Variants in NCEH1 observed in about 807,000 individuals in gnomAD.
NCEH1 encodes neutral cholesterol ester hydrolase 1.
NCEH1 carries 9 observed loss-of-function variants against 25.4 expected under a neutral mutation model. That is an observed-to-expected ratio of 0.35 (90% CI 0.21 to 0.62). The LOEUF (loss-of-function observed/expected upper bound fraction) is 0.62. Among genes scored for constraint, NCEH1 ranks in the 20% least tolerant of loss-of-function variants. The probability of loss-of-function intolerance (pLI) is 0.72; values close to 1 mark genes in which losing one functional copy is unlikely to be tolerated. For missense variants in NCEH1, 412 were observed against 501.1 expected, an observed-to-expected ratio of 0.82 and a Z score of 1.70; for synonymous variants, 200 against 199.8, an observed-to-expected ratio of 1.00 and a Z score of -0.01.
At chr3:172,703,706 G>T (rs922001173) in intron 1 of NCEH1, among the ~76,000 whole-genome samples, 2 of 151,910 alleles carry the variant, frequency 1.3e-5, no homozygotes, top group Non-Finnish European at 2.9e-5. Context: ...AATAATGAGG[G>T]TATTTCTATG....
intron 1 of NCEH1, among the ~76,000 whole-genome samples, chr3:172,699,162 A>C (rs1034015294): frequency 2.0e-5 from 3 of 152,106 alleles, no homozygotes; most frequent in African/African-American, 4.8e-5. Flanking sequence ...GGAAGTTCTC[A>C]AAAGAGATGA....
Position 172,639,914 on chromosome 3 carries a change from A to C in NCEH1, c.438-3827T>G, listed in dbSNP as rs547880333. 9.2e-5 allele frequency among the ~76,000 whole-genome samples: 14 copies of C among 152,314 alleles called. No homozygotes were observed. The South Asian group carries it at 2.9e-3, about 32-fold the overall frequency. ...GCAAACTTCTGGGTTTAAGGATGAGAATGTGAGGTTGAAGGAAAATGTGTA... is the reference window on the plus strand; with the variant it reads ...GCAAACTTCTGGGTTTAAGGATGAGCATGTGAGGTTGAAGGAAAATGTGTA... On this transcript the variant is annotated intron_variant, in intron 3 of 4. Coordinates refer to ENST00000475381, the MANE Select transcript of NCEH1 (RefSeq NM_020792.6).
At chr3:172,685,955 A>G (rs1163105555) in intron 1 of NCEH1, among the ~76,000 whole-genome samples, 1 of 152,196 alleles carries the variant, frequency 6.6e-6, no homozygotes, top group Non-Finnish European at 1.5e-5. Context: ...GATGGAGGAC[A>G]CAACTTTGCA....
In NCEH1 at chr3:172,633,983, G is replaced by T. The variant is rs753522171; in HGVS notation, c.719C>A (p.Thr240Asn). ...NTPSYQQNVN[T>N]PILPRYVMVK... is the part of the protein sequence containing the mutation. ...CATGACATAGCGGGGCAGGATTGGG[G>T]TGTTCACATTTTGCTGATAAGATGG... Residue 240 changes from threonine to asparagine, a missense_variant, in exon 5 of 5, where the codon ACC becomes AAC. By Grantham distance (65) the Thr-to-Asn change is moderately conservative. Transcript: ENST00000475381. 2 of 1,614,204 alleles carry T rather than the reference G, an allele frequency of 1.2e-6. No homozygotes were observed. The highest frequency in any genetic ancestry group is 4.5e-5 in the East Asian group (2 of 44,890).
At chr3:172,676,107 C>T (rs1187824377) in intron 1 of NCEH1, among the ~76,000 whole-genome samples, 3 of 152,146 alleles carry the variant, frequency 2.0e-5, no homozygotes, top group African/African-American at 7.2e-5. Context: ...TCCAACACCC[C>T]CTAACAGCAG....
chr3:172,705,075 C>G (rs1713900750), intron 1 of NCEH1, among the ~76,000 whole-genome samples: 1 of 152,176 alleles, frequency 6.6e-6, no homozygotes, highest in Non-Finnish European at 1.5e-5. Flanking sequence ...AAAGCAAATA[C>G]TAAAATATAT....
intron 1 of NCEH1, among the ~76,000 whole-genome samples, chr3:172,696,775 TA>T (rs1214815142): frequency 1.9e-4 from 29 of 152,190 alleles, no homozygotes; most frequent in African/African-American, 7.0e-4. Context: ...TATAGTCAAT[TA>T]AATTTGGGAT....
chr3:172,674,772 T>C (rs1209070692), intron 1 of NCEH1, among the ~76,000 whole-genome samples: 1 of 152,356 alleles, frequency 6.6e-6, no homozygotes, highest in East Asian at 1.9e-4. Flanking sequence ...CAATGTGGAA[T>C]TCTGGTTGTA....
intron 3 of NCEH1, among the ~76,000 whole-genome samples, chr3:172,644,939 C>T: frequency 6.6e-6 from 1 of 151,916 alleles, no homozygotes; most frequent in Non-Finnish European, 1.5e-5. Flanking sequence ...TTCACAAAGG[C>T]TTGTCAAAAA....
At chr3:172,646,406 G>A (rs1321978282) in intron 2 of NCEH1, among the ~76,000 whole-genome samples, 1 of 152,088 alleles carries the variant, frequency 6.6e-6, no homozygotes, top group Non-Finnish European at 1.5e-5. Flanking sequence ...ATTTGCTGCA[G>A]TTCAGTAAAG....
intron 1 of NCEH1, among the ~76,000 whole-genome samples, chr3:172,667,797 G>A (rs1718293826): frequency 1.3e-5 from 2 of 152,144 alleles, no homozygotes; most frequent in African/African-American, 4.8e-5. Context: ...ACTTTAAAGA[G>A]AAAAGCAACT....
At chr3:172,679,306 T>C (rs1712209054) in intron 1 of NCEH1, among the ~76,000 whole-genome samples, 1 of 152,372 alleles carries the variant, frequency 6.6e-6, no homozygotes, top group East Asian at 1.9e-4. Context: ...GATTTCTTTA[T>C]TACAGCTAGC....
At chr3:172,637,503 A>G (rs928788065) in intron 3 of NCEH1, among the ~76,000 whole-genome samples, 1 of 152,198 alleles carries the variant, frequency 6.6e-6, no homozygotes, top group African/African-American at 2.4e-5. Context: ...CTGTAATCCC[A>G]GCACTTTGGG....
rs16845981 is a variant in NCEH1, at chr3:172,643,499, G to A, written c.437+2124C>T. ...GCCATATGCTCATGCCTCCCATCTG[G>A]ACACCATGTTGTATAGATTAGGAAC... On this transcript the variant is annotated intron_variant, in intron 3 of 4. Transcript: ENST00000475381. Among the ~76,000 whole-genome samples, 1,129 of 152,274 alleles carry A rather than the reference G, an allele frequency of 7.4e-3. 16 individuals are homozygous for A. Among genetic ancestry groups the A allele is most frequent in the African/African-American group, 0.026 (1,085 of 41,564 alleles).
intron 1 of NCEH1, among the ~76,000 whole-genome samples, chr3:172,667,218 T>G (rs376212060): frequency 3.8e-4 from 58 of 152,290 alleles, no homozygotes; most frequent in African/African-American, 1.2e-3. Flanking sequence ...GGCCATTCGG[T>G]TCCTATGTAT....
chr3:172,636,542 A>G (rs1009152750), intron 3 of NCEH1, among the ~76,000 whole-genome samples: 2 of 152,198 alleles, frequency 1.3e-5, no homozygotes, highest in African/African-American at 4.8e-5. Flanking sequence ...TGAGTCCATC[A>G]TTTACTTCAT....
intron 1 of NCEH1, among the ~76,000 whole-genome samples, chr3:172,706,031 A>C (rs1302603905): frequency 2.4e-5 from 3 of 127,022 alleles, no homozygotes; most frequent in Non-Finnish European, 3.4e-5. Flanking sequence ...AAAAAAAAAA[A>C]ACCCATGTCT....
chr3:172,659,357 C>G (rs1373340178), intron 1 of NCEH1, among the ~76,000 whole-genome samples: 1 of 152,178 alleles, frequency 6.6e-6, no homozygotes, highest in Non-Finnish European at 1.5e-5. Context: ...ACTTGGGCCT[C>G]AGAACCTGGC....
intron 1 of NCEH1, among the ~76,000 whole-genome samples, chr3:172,707,196 T>A (rs1271744732): frequency 2.6e-5 from 4 of 152,078 alleles, no homozygotes; most frequent in African/African-American, 9.7e-5. Context: ...CTGCATAGCA[T>A]TTGGAAATCA....
Sources: allele counts gnomAD v4.1 joint callset (sites outside exome capture counted in the v4.1 genomes callset), GRCh38; gene constraint gnomAD v4.1.1; transcripts MANE v1.5; gene names NCBI Gene and HGNC (gene_info 2026-07-23, HGNC 2026-07-21).